Variants in TCF7L1 observed in about 807,000 individuals in gnomAD.
The protein encoded by TCF7L1 is transcription factor 7-like 1.
Under a neutral mutation model 63.7 loss-of-function variants are expected in TCF7L1, and 18 were observed. The observed-to-expected ratio is 0.28, with a 90% CI of 0.20 to 0.42. TCF7L1 has a LOEUF of 0.42. Among genes scored for constraint, TCF7L1 ranks in the 10% least tolerant of loss-of-function variants. The probability of loss-of-function intolerance (pLI) is 1.00; values close to 1 mark genes in which losing one functional copy is unlikely to be tolerated. For missense variants in TCF7L1, 654 were observed against 779.3 expected (o/e 0.84, Z 1.91); for synonymous variants, 355 against 340.9 (o/e 1.04, Z -0.46).
In TCF7L1 at chr2:85,299,386, C is replaced by T. The variant is rs958859668; in HGVS notation, c.526-3098C>T. Among the ~76,000 whole-genome samples, 10 of 151,654 alleles carry T rather than the reference C, an allele frequency of 6.6e-5. No individual in the cohort carries two copies. In the East Asian group the frequency reaches 1.8e-3, roughly 27 times the overall value. Reference sequence around the variant, plus strand: ...CCAACATGGTGAAACCCCATCTCTACTAAAAATACAAAAAAATTAGCCGGA... The same window carrying T: ...CCAACATGGTGAAACCCCATCTCTATTAAAAATACAAAAAAATTAGCCGGA... On this transcript the variant is annotated intron_variant, in intron 4 of 11. Coordinates refer to ENST00000282111, the MANE Select transcript of TCF7L1 (RefSeq NM_031283.3).
intron 3 of TCF7L1, among the ~76,000 whole-genome samples, chr2:85,238,466 C>T (rs1340108010): frequency 6.6e-6 from 1 of 152,164 alleles, no homozygotes; most frequent in African/African-American, 2.4e-5. Context: ...CACATGGCAC[C>T]CGTGGTAGGA....
chr2:85,145,160 G>T (rs1268153246), intron 3 of TCF7L1, among the ~76,000 whole-genome samples: 1 of 152,088 alleles, frequency 6.6e-6, no homozygotes, highest in African/African-American at 2.4e-5. Context: ...ATTAACAAAG[G>T]GGGCTTATGA....
intron 3 of TCF7L1, among the ~76,000 whole-genome samples, chr2:85,218,474 T>C (rs1299694048): frequency 2.0e-5 from 3 of 152,200 alleles, no homozygotes; most frequent in African/African-American, 7.2e-5. Context: ...CAGGTTGGTC[T>C]TGAACTCCTA....
intron 3 of TCF7L1, among the ~76,000 whole-genome samples, chr2:85,255,608 G>T (rs1268587649): frequency 6.6e-6 from 1 of 152,198 alleles, no homozygotes; most frequent in Non-Finnish European, 1.5e-5. Context: ...CCTAAACAGG[G>T]TGGGCTGGGT....
At chr2:85,167,186 A>C (rs773284387) in intron 3 of TCF7L1, 4 of 152,594 alleles carry the variant, frequency 2.6e-5, no homozygotes, top group Admixed American at 6.5e-5. Context: ...CTACACCTGC[A>C]AGTATCATTC....
At chr2:85,279,074 C>T (rs1186737357) in intron 3 of TCF7L1, among the ~76,000 whole-genome samples, 1 of 152,266 alleles carries the variant, frequency 6.6e-6, no homozygotes, top group Non-Finnish European at 1.5e-5. Context: ...TGGTCAGGAG[C>T]TGGGCCTTGC....
At chr2:85,161,460 G>A (rs1220449480) in intron 3 of TCF7L1, among the ~76,000 whole-genome samples, 3 of 152,050 alleles carry the variant, frequency 2.0e-5, no homozygotes, top group Non-Finnish European at 2.9e-5. Flanking sequence ...CGGGGCCGGT[G>A]GAGCTGCTTC....
At chr2:85,172,615 G>A (rs1260723646) in intron 3 of TCF7L1, among the ~76,000 whole-genome samples, 4 of 152,070 alleles carry the variant, frequency 2.6e-5, no homozygotes, top group South Asian at 2.1e-4. Context: ...TAGTAGAGAC[G>A]GGGTTTCACT....
chr2:85,218,554 C>T (rs1188708136), intron 3 of TCF7L1, among the ~76,000 whole-genome samples: 3 of 151,830 alleles, frequency 2.0e-5, no homozygotes, highest in Admixed American at 6.6e-5. Flanking sequence ...CCACGCCCAG[C>T]GTTATCTGAC....
chr2:85,179,890 GA>G (rs975877244), intron 3 of TCF7L1, among the ~76,000 whole-genome samples: 55 of 150,884 alleles, frequency 3.6e-4, no homozygotes, highest in African/African-American at 1.1e-3. Context: ...GTTGCTGAAT[GA>G]AAAAAAAAGA....
intron 3 of TCF7L1, among the ~76,000 whole-genome samples, chr2:85,204,299 C>G (rs1173730854): frequency 9.6e-6 from 1 of 104,540 alleles, no homozygotes; most frequent in East Asian, 2.6e-4. Flanking sequence ...CTTCCCCCCC[C>G]CCCCCCACTT....
intron 3 of TCF7L1, among the ~76,000 whole-genome samples, chr2:85,142,431 AATGT>A (rs1677758853): frequency 2.9e-5 from 1 of 33,968 alleles, no homozygotes; most frequent in Admixed American, 3.9e-4. Context: ...AAAAAAAAAA[AATGT>A]GTGTGTGTGT....
chr2:85,174,671 A>G (rs530104597), intron 3 of TCF7L1, among the ~76,000 whole-genome samples: 82 of 152,158 alleles, frequency 5.4e-4, no homozygotes, highest in Non-Finnish European at 9.4e-4. Flanking sequence ...TCACTAGCCT[A>G]GCACCTGAGA....
chr2:85,297,497 C>T (rs1681858688), intron 4 of TCF7L1, among the ~76,000 whole-genome samples: 3 of 152,178 alleles, frequency 2.0e-5, no homozygotes, highest in African/African-American at 4.8e-5. Context: ...CCACAATCAA[C>T]GTGTCCAGCT....
chr2:85,146,497 C>CT (rs554058692), intron 3 of TCF7L1, among the ~76,000 whole-genome samples: 3,727 of 103,478 alleles, frequency 0.036, 101 homozygotes, highest in Non-Finnish European at 0.041. Flanking sequence ...TTCTTTCTTT[C>CT]TTTTTTTTTT....
chr2:85,158,923 T>A (rs568163296), intron 3 of TCF7L1, among the ~76,000 whole-genome samples: 2 of 152,364 alleles, frequency 1.3e-5, no homozygotes, highest in African/African-American at 4.8e-5. Flanking sequence ...CTAAGGTAGA[T>A]CTCTGTTACT....
chr2:85,195,702 AC>A (rs1679139042), intron 3 of TCF7L1, among the ~76,000 whole-genome samples: 1 of 151,212 alleles, frequency 6.6e-6, no homozygotes, highest in Non-Finnish European at 1.5e-5. Flanking sequence ...GCACGCCACC[AC>A]CCCCGGCCAA....
rs561245361 is a variant in TCF7L1, at chr2:85,252,336, C to T, written c.442-31159C>T. On this transcript the variant is annotated intron_variant, in intron 3 of 11. Coordinates refer to ENST00000282111, the MANE Select transcript of TCF7L1 (RefSeq NM_031283.3). ...CATGGCAGCTGTAGTCCTGAGCATTCGCAGGACTTGTAGATAATTCACCTA... is the reference window on the plus strand; with the variant it reads ...CATGGCAGCTGTAGTCCTGAGCATTTGCAGGACTTGTAGATAATTCACCTA... Among the ~76,000 whole-genome samples the T allele has an allele frequency of 3.3e-5, 5 of 152,332 alleles. No homozygotes were observed. In the South Asian group the frequency reaches 8.3e-4, roughly 25 times the overall value.
chr2:85,171,587 A>G (rs1254057396), intron 3 of TCF7L1, among the ~76,000 whole-genome samples: 1 of 152,228 alleles, frequency 6.6e-6, no homozygotes, highest in Non-Finnish European at 1.5e-5. Context: ...TGGGAAAGCC[A>G]ATCCTCTTCA....
Sources: gnomAD v4.1 joint callset for allele counts (sites outside exome capture counted in the v4.1 genomes callset) on GRCh38, gnomAD v4.1.1 for gene constraint, MANE v1.5 for transcripts, NCBI Gene and HGNC (gene_info 2026-07-23, HGNC 2026-07-21) for gene names.